KLF12: variants seen among roughly 807,000 people sequenced by gnomAD.
KLF12 encodes the protein Krueppel-like factor 12.
A neutral mutation model predicts 37.8 loss-of-function variants in KLF12; 9 were observed. The observed-to-expected ratio is 0.24, with a 90% CI of 0.14 to 0.42. The LOEUF is 0.42. Ranked by LOEUF, KLF12 falls within the 10% of genes least tolerant of loss-of-function variation. The probability of loss-of-function intolerance (pLI) is 1.00; values close to 1 mark genes in which losing one functional copy is unlikely to be tolerated. For missense variants in KLF12, 411 were observed against 516.0 expected (o/e 0.80, Z 1.97); for synonymous variants, 208 against 202.1 (o/e 1.03, Z -0.25).
intron 1 of KLF12, among the ~76,000 whole-genome samples, chr13:74,073,564 G>C (rs1874398031): frequency 6.6e-6 from 1 of 152,164 alleles, no homozygotes; most frequent in South Asian, 2.1e-4. Context: ...AGGAAGTTTT[G>C]TTCTAGTGGT....
chr13:74,265,194 G>C, the KLF12 span, among the ~76,000 whole-genome samples: 7 of 152,150 alleles, frequency 4.6e-5, no homozygotes, highest in South Asian at 6.2e-4. Context: ...GGATATTGAT[G>C]GGAGGGACTA....
chr13:74,114,213 G>C (rs1427968355), intron 1 of KLF12, among the ~76,000 whole-genome samples: 1 of 152,034 alleles, frequency 6.6e-6, no homozygotes, highest in Non-Finnish European at 1.5e-5. Flanking sequence ...CCACCACCCC[G>C]ATCAGTCAGC....
At chr13:74,100,434 A>G (rs576703932) in intron 1 of KLF12, among the ~76,000 whole-genome samples, 19 of 152,298 alleles carry the variant, frequency 1.2e-4, no homozygotes, top group African/African-American at 4.6e-4. Flanking sequence ...CCTGGCCAAC[A>G]TGGCAAAACC....
intron 6 of KLF12, among the ~76,000 whole-genome samples, chr13:73,761,627 T>C (rs1234453360): frequency 6.6e-6 from 1 of 152,214 alleles, no homozygotes; most frequent in East Asian, 1.9e-4. Flanking sequence ...TAAGATGCTC[T>C]AAAGGTCCAA....
intron 5 of KLF12, among the ~76,000 whole-genome samples, chr13:73,796,205 T>C (rs1881952296): frequency 6.6e-6 from 1 of 152,124 alleles, no homozygotes; most frequent in Admixed American, 6.6e-5. Context: ...TGACTGTCAT[T>C]CTTATTTTTC....
chr13:73,977,205 G>C (rs1412036600), intron 2 of KLF12, among the ~76,000 whole-genome samples: 4 of 151,792 alleles, frequency 2.6e-5, no homozygotes, highest in African/African-American at 7.3e-5. Flanking sequence ...CCAACACCCG[G>C]CTAGCTTTTG....
chr13:74,099,639 G>T (rs1876196081), intron 1 of KLF12, among the ~76,000 whole-genome samples: 1 of 152,074 alleles, frequency 6.6e-6, no homozygotes, highest in Non-Finnish European at 1.5e-5. Flanking sequence ...CTAGGCATGG[G>T]AAGAAAACCT....
rs71919762 is a variant in KLF12, at chr13:73,725,833, G to GTATTTATT, written c.870-10316_870-10309dup. Among the ~76,000 whole-genome samples, 731 of 142,248 alleles carry GTATTTATT rather than the reference G, an allele frequency of 5.1e-3. 2 individuals are homozygous for GTATTTATT. The highest frequency in any genetic ancestry group is 0.011 in the South Asian group (49 of 4,296). The allele number at this position is 142,248 out of a possible 152,430, so 93.3% of individuals were successfully genotyped here. A position where few individuals can be genotyped will look rare whatever the true frequency, so the allele number is the denominator to read the frequency against. Reference sequence around the variant, plus strand: ...GTTTTAGATTCCCATATTTCAAAATGTATTTATTTATTTATTTATTTATTT... The same window carrying GTATTTATT: ...GTTTTAGATTCCCATATTTCAAAATGTATTTATTTATTTATTTATTTATTTATTTATTT... On this transcript the variant is annotated intron_variant, in intron 6 of 7. Transcript: ENST00000377669.
intron 5 of KLF12, among the ~76,000 whole-genome samples, chr13:73,792,854 A>C (rs113454592): frequency 6.6e-6 from 1 of 152,236 alleles, no homozygotes; most frequent in Non-Finnish European, 1.5e-5. Flanking sequence ...AATTAGAACC[A>C]AAATGATTTG....
In KLF12 at chr13:73,958,941, A is replaced by G. The variant is rs560670930; in HGVS notation, c.34-14871T>C. Among the ~76,000 whole-genome samples the G allele has an allele frequency of 1.3e-4, 20 of 151,220 alleles. 1 individual carries two copies. Among genetic ancestry groups the G allele is most frequent in the Admixed American group, 1.0e-3 (16 of 15,268 alleles). On this transcript the variant is annotated intron_variant, in intron 2 of 7. Coordinates refer to ENST00000377669, the MANE Select transcript of KLF12 (RefSeq NM_007249.5). ...ACGAAGGTGATCTCATCTGCTAGGC[A>G]GACTTCAGCAACTAATTGCTGAAAC...
At chr13:73,792,080 G>T (rs980100867) in intron 5 of KLF12, among the ~76,000 whole-genome samples, 1 of 152,066 alleles carries the variant, frequency 6.6e-6, no homozygotes, top group Non-Finnish European at 1.5e-5. Flanking sequence ...GATTAATGAA[G>T]GTCACTCACC....
chr13:73,936,695 C>T (rs973120659), intron 3 of KLF12, among the ~76,000 whole-genome samples: 1 of 152,140 alleles, frequency 6.6e-6, no homozygotes, highest in South Asian at 2.1e-4. Flanking sequence ...CTTTGCCGCC[C>T]GGAAGTTACC....
intron 1 of KLF12, among the ~76,000 whole-genome samples, chr13:74,072,406 T>TATAAAA (rs1487459834): frequency 2.5e-5 from 3 of 119,726 alleles, no homozygotes; most frequent in African/African-American, 9.2e-5. Flanking sequence ...TATATATATA[T>TATAAAA]AAAAGATTAT....
chr13:73,752,981 T>C (rs187015199), intron 6 of KLF12, among the ~76,000 whole-genome samples: 76 of 152,080 alleles, frequency 5.0e-4, no homozygotes, highest in Non-Finnish European at 7.2e-4. Flanking sequence ...CTCTTACTCC[T>C]GACCTTGTGA....
intron 5 of KLF12, among the ~76,000 whole-genome samples, chr13:73,804,910 G>T (rs1882478314): frequency 6.6e-6 from 1 of 152,196 alleles, no homozygotes; most frequent in African/African-American, 2.4e-5. Flanking sequence ...CCAGGATTAT[G>T]GGAAGCATCT....
At chr13:73,748,037 G>T (rs576859461) in intron 6 of KLF12, among the ~76,000 whole-genome samples, 215 of 152,280 alleles carry the variant, frequency 1.4e-3, no homozygotes, top group Non-Finnish European at 1.9e-3. Context: ...TGACTTCATT[G>T]TTTCCACTGG....
At position 73,689,885 on chromosome 13, in the gene KLF12, A is replaced by AT. The variant is rs1873720084; in HGVS notation, c.*5604dup. The AT allele has an allele frequency of 6.6e-6, 1 of 152,212 alleles. No homozygotes were observed. Among genetic ancestry groups the AT allele is most frequent in the Non-Finnish European group, 1.5e-5 (1 of 68,030 alleles). 9.4% of individuals were successfully genotyped at this position (152,212 alleles called of 1,614,324 possible). A position where few individuals can be genotyped will look rare whatever the true frequency, so the allele number is the denominator to read the frequency against. On this transcript the variant is annotated 3_prime_UTR_variant, in exon 8 of 8. Coordinates refer to ENST00000377669, the MANE Select transcript of KLF12 (RefSeq NM_007249.5). The stretch of plus-strand genomic sequence containing the variant: ...CTTTTTGAATCATACATACTGTTTC[A>AT]TAAGTTTGGGGCAAATGACAGTCAA...
At chr13:74,296,676 C>A in the KLF12 span, among the ~76,000 whole-genome samples, 1 of 152,108 alleles carries the variant, frequency 6.6e-6, no homozygotes, top group Non-Finnish European at 1.5e-5. Flanking sequence ...TTCAAAGGTA[C>A]TTTTCATTTT....
chr13:74,255,025 A>C, the KLF12 span, among the ~76,000 whole-genome samples: 1 of 152,160 alleles, frequency 6.6e-6, no homozygotes, highest in South Asian at 2.1e-4. Flanking sequence ...TGGAGAAAAG[A>C]TTGGTGCCTG....
Sources: gnomAD v4.1 joint callset for allele counts (sites outside exome capture counted in the v4.1 genomes callset) on GRCh38, gnomAD v4.1.1 for gene constraint, MANE v1.5 for transcripts, NCBI Gene and HGNC (gene_info 2026-07-23, HGNC 2026-07-21) for gene names.